The following INPP5A variants were observed in gnomAD, a reference collection of about 807,000 sequenced individuals.
INPP5A encodes the protein inositol polyphosphate-5-phosphatase A.
A neutral mutation model predicts 65.2 loss-of-function variants in INPP5A; 14 were observed. The ratio of observed to expected loss-of-function variants is 0.21; its 90% CI spans 0.14 to 0.34. The LOEUF (loss-of-function observed/expected upper bound fraction) is 0.34, where lower values mean the gene tolerates loss of function less well. Ranked by LOEUF, INPP5A falls within the 10% of genes least tolerant of loss-of-function variation. The pLI, the probability that INPP5A is intolerant of heterozygous loss-of-function variation, is 1.00. For missense variants in INPP5A, 431 were observed against 545.6 expected (o/e 0.79, Z 2.09); for synonymous variants, 207 against 208.3 (o/e 0.99, Z 0.05).
intron 2 of INPP5A, among the ~76,000 whole-genome samples, chr10:132,640,039 C>T (rs775474086): frequency 3.3e-5 from 5 of 152,130 alleles, no homozygotes; most frequent in East Asian, 1.9e-4. Flanking sequence ...CTGCTGTGTC[C>T]GGCATTGGTG....
At position 132,748,410 on chromosome 10, in the gene INPP5A, A is replaced by T. The variant is rs1418796066; in HGVS notation, c.733-1107A>T. ...GATTTCTCTCAGATGTGGGTCTCAC[A>T]CTTCCCTTGTTCGGTGAGGTTCTAG... On this transcript the variant is annotated intron_variant, in intron 9 of 15. Transcript: ENST00000368594. Among the ~76,000 whole-genome samples, 3 of 152,114 alleles carry T rather than the reference A, an allele frequency of 2.0e-5. No homozygotes were observed. The South Asian group carries it at 6.2e-4, about 31-fold the overall frequency.
At position 132,550,763 on chromosome 10, in the gene INPP5A, C is replaced by G. The variant is rs1326954359; in HGVS notation, c.75+12592C>G. 6.6e-6 allele frequency among the ~76,000 whole-genome samples: 1 copy of G among 152,214 alleles called. No individual in the cohort carries two copies. Among genetic ancestry groups the G allele is most frequent in the Non-Finnish European group, 1.5e-5 (1 of 68,034 alleles). On this transcript the variant is annotated intron_variant, in intron 1 of 15. Coordinates refer to ENST00000368594, the MANE Select transcript of INPP5A (RefSeq NM_005539.5). This position sits in a 1 kb window ranked among gnomAD's most constrained non-coding sequence, Gnocchi z 4.2. ...GGAAGACGGTGGAGGTGGCAGCCGCCAGAGTGTGAGGGGCCATGGTCGCTG... is the reference window on the plus strand; with the variant it reads ...GGAAGACGGTGGAGGTGGCAGCCGCGAGAGTGTGAGGGGCCATGGTCGCTG...
At chr10:132,712,550 ACATGTGAGTGCACTTGTGTGG>A (rs1432935058) in intron 8 of INPP5A, among the ~76,000 whole-genome samples, 1 of 148,014 alleles carries the variant, frequency 6.8e-6, no homozygotes, top group Non-Finnish European at 1.5e-5. Flanking sequence ...ACACGTGGAC[ACATGTGAGTGCACTTGTGTGG>A]CTGCATGTGA....
At chr10:132,724,625 C>A (rs954066024) in intron 8 of INPP5A, among the ~76,000 whole-genome samples, 1 of 151,804 alleles carries the variant, frequency 6.6e-6, no homozygotes, top group Admixed American at 6.6e-5. Context: ...CCATATTCAC[C>A]GCAGATGGGG....
Position 132,587,371 on chromosome 10 carries a change from T to C in INPP5A, c.76-20544T>C, listed in dbSNP as rs2071557826. 4.6e-5 allele frequency among the ~76,000 whole-genome samples: 7 copies of C among 152,160 alleles called. No individual in the cohort carries two copies. In the South Asian group the frequency reaches 1.4e-3, roughly 32 times the overall value. ...GGAGCAGTTGGGTGGCCCAGCCTGC[T>C]TCTGCTGCTGCCAGCACAGCCCATG... On this transcript the variant is annotated intron_variant, in intron 1 of 15. Coordinates refer to ENST00000368594, the MANE Select transcript of INPP5A (RefSeq NM_005539.5). This position sits in a 1 kb window ranked among gnomAD's most constrained non-coding sequence, Gnocchi z 4.3.
intron 1 of INPP5A, among the ~76,000 whole-genome samples, chr10:132,594,341 G>C (rs1007113311): frequency 6.6e-6 from 1 of 152,254 alleles, no homozygotes; most frequent in Non-Finnish European, 1.5e-5. Context: ...GACGTGGCTA[G>C]TGCAGGTCTA....
intron 4 of INPP5A, among the ~76,000 whole-genome samples, chr10:132,656,996 C>T (rs2072665192): frequency 6.6e-6 from 1 of 152,206 alleles, no homozygotes. Flanking sequence ...CTAGTTGGGT[C>T]TGGGGCAGCC....
chr10:132,657,051 T>C (rs759092774), intron 4 of INPP5A, among the ~76,000 whole-genome samples: 27 of 152,146 alleles, frequency 1.8e-4, no homozygotes, highest in Admixed American at 1.3e-3. Context: ...CTGAGCTCCT[T>C]GTGTAGGAGA....
At chr10:132,687,291 G>C (rs191391226) in intron 4 of INPP5A, among the ~76,000 whole-genome samples, 6 of 152,248 alleles carry the variant, frequency 3.9e-5, no homozygotes, top group African/African-American at 1.4e-4. Flanking sequence ...TCAGTTCCCC[G>C]GGTTCTGAGC....
In INPP5A at chr10:132,577,253, C is replaced by T. The variant is rs536754905; in HGVS notation, c.76-30662C>T. 2.1e-4 allele frequency among the ~76,000 whole-genome samples: 32 copies of T among 152,296 alleles called. No homozygotes were observed. In the Middle Eastern group the frequency reaches 0.01, roughly 49 times the overall value. ...CCGGCACGCCGCCCGTGGTGCATCA[C>T]GTTCTGTTGCAGTGTCTGCTCCTGA... On this transcript the variant is annotated intron_variant, in intron 1 of 15. Coordinates refer to ENST00000368594, the MANE Select transcript of INPP5A (RefSeq NM_005539.5).
chr10:132,590,975 T>A (rs2071612339), intron 1 of INPP5A, among the ~76,000 whole-genome samples: 1 of 152,212 alleles, frequency 6.6e-6, no homozygotes, highest in African/African-American at 2.4e-5. Flanking sequence ...TGCCATCAGC[T>A]CTGGGGGCCC....
intron 3 of INPP5A, among the ~76,000 whole-genome samples, chr10:132,646,628 G>C (rs2072498244): frequency 6.6e-6 from 1 of 152,204 alleles, no homozygotes; most frequent in South Asian, 2.1e-4. Context: ...GTCCCCTACA[G>C]TGTGGCCTTG....
At position 132,538,853 on chromosome 10, in the gene INPP5A, A is replaced by C. The variant is rs1318261640; in HGVS notation, c.75+682A>C. ...CCCAATCACTGAATTCTAGCCCTAG[A>C]ATCCCAGCCTTCATACTGTGGCCCT... is the stretch of plus-strand genomic sequence containing the variant. On this transcript the variant is annotated intron_variant, in intron 1 of 15. Transcript: ENST00000368594. This position sits in a 1 kb window ranked among gnomAD's most constrained non-coding sequence, Gnocchi z 4.1. 6.6e-6 allele frequency among the ~76,000 whole-genome samples: 1 copy of C among 152,120 alleles called. No homozygotes were observed. Among genetic ancestry groups the C allele is most frequent in the East Asian group, 1.9e-4 (1 of 5,204 alleles).
intron 2 of INPP5A, among the ~76,000 whole-genome samples, chr10:132,628,195 A>G (rs2133369407): frequency 6.6e-6 from 1 of 152,280 alleles, no homozygotes; most frequent in South Asian, 2.1e-4. Context: ...GCCCATTCCT[A>G]CCAGCTCAGT....
At chr10:132,591,761 G>A (rs903798226) in intron 1 of INPP5A, among the ~76,000 whole-genome samples, 5 of 143,902 alleles carry the variant, frequency 3.5e-5, no homozygotes, top group African/African-American at 1.2e-4. Flanking sequence ...GACGCCATCT[G>A]CAGGTGCAGG....
intron 9 of INPP5A, among the ~76,000 whole-genome samples, chr10:132,735,891 TG>T (rs1328587394): frequency 6.6e-6 from 1 of 152,218 alleles, no homozygotes; most frequent in Non-Finnish European, 1.5e-5. Context: ...TTGTGATTTT[TG>T]GTGGCAGGAG....
chr10:132,610,220 C>T (rs2071924447), intron 2 of INPP5A, among the ~76,000 whole-genome samples: 1 of 152,228 alleles, frequency 6.6e-6, no homozygotes, highest in South Asian at 2.1e-4. Context: ...GTGAGCCCCA[C>T]CTGTGAGGGA....
At chr10:132,548,852 G>A (rs73395335) in intron 1 of INPP5A, among the ~76,000 whole-genome samples, 17,718 of 147,560 alleles carry the variant, frequency 0.12, 1,115 homozygotes, top group Middle Eastern at 0.13. Context: ...GCTGGAGTGC[G>A]GTGGCGCAGT....
rs958021842 is a variant in INPP5A, at chr10:132,663,609, C to T, written c.306+13104C>T. On this transcript the variant is annotated intron_variant, in intron 4 of 15. Coordinates refer to ENST00000368594, the MANE Select transcript of INPP5A (RefSeq NM_005539.5). The surrounding 1 kb of genome is among the most constrained non-coding windows in gnomAD (Gnocchi z 4.5). ...AATGAGTGATTTTGGTCGACGTTCA[C>T]CTGTACTTTCTCTGCACTCTGAGCC... is the stretch of plus-strand genomic sequence containing the variant. Among the ~76,000 whole-genome samples, 3 of 152,206 alleles carry T rather than the reference C, an allele frequency of 2.0e-5. No homozygotes were observed. The highest frequency in any genetic ancestry group is 2.9e-5 in the Non-Finnish European group (2 of 68,046).
Sources: gnomAD v4.1 joint callset for allele counts (sites outside exome capture counted in the v4.1 genomes callset) on GRCh38, gnomAD v4.1.1 for gene constraint, Gnocchi (gnomAD v3.1) non-coding constraint, MANE v1.5 for transcripts, NCBI Gene and HGNC (gene_info 2026-07-23, HGNC 2026-07-21) for gene names.